The following ZBTB7C variants were observed in gnomAD, a reference collection of about 807,000 sequenced individuals.
ZBTB7C encodes zinc finger and BTB domain-containing protein 7C.
Under a neutral mutation model 25.7 loss-of-function variants are expected in ZBTB7C, and 8 were observed. That is an observed-to-expected ratio of 0.31 (90% confidence interval 0.18 to 0.56). ZBTB7C has a LOEUF of 0.56. ZBTB7C is among the 20% of genes least tolerant of loss of function. ZBTB7C has a pLI of 0.91. For missense variants in ZBTB7C, 824 were observed against 855.2 expected (o/e 0.96, Z 0.46); for synonymous variants, 394 against 369.0 (o/e 1.07, Z -0.78).
chr18:48,229,694 A>G (rs572264897), intron 2 of ZBTB7C, among the ~76,000 whole-genome samples: 1 of 152,288 alleles, frequency 6.6e-6, no homozygotes, highest in Non-Finnish European at 1.5e-5. Flanking sequence ...GGTTGGAACA[A>G]ATTGAGGAAT....
intron 2 of ZBTB7C, among the ~76,000 whole-genome samples, chr18:48,326,093 A>G (rs1216979396): frequency 8.6e-6 from 1 of 116,324 alleles, no homozygotes; most frequent in Non-Finnish European, 1.8e-5. Flanking sequence ...CTCTACCAAC[A>G]TCTTTTTTTT....
chr18:48,148,148 C>T (rs1270268422), intron 3 of ZBTB7C: 1 of 149,806 alleles, frequency 6.7e-6, no homozygotes, highest in African/African-American at 2.5e-5. Flanking sequence ...AGGCACCTGC[C>T]ACCACGGCTA....
chr18:48,284,947 G>A (rs1445061742), intron 2 of ZBTB7C, among the ~76,000 whole-genome samples: 10 of 152,320 alleles, frequency 6.6e-5, no homozygotes, highest in African/African-American at 1.7e-4. Flanking sequence ...GGACTAATGC[G>A]TAAAGGCAGA....
intron 2 of ZBTB7C, among the ~76,000 whole-genome samples, chr18:48,246,348 T>G (rs1028891355): frequency 2.0e-5 from 3 of 151,838 alleles, no homozygotes; most frequent in Non-Finnish European, 2.9e-5. Context: ...GAGAATGGCG[T>G]GGACCCGGGA....
intron 3 of ZBTB7C, among the ~76,000 whole-genome samples, chr18:48,111,181 C>T (rs2039225713): frequency 6.6e-6 from 1 of 152,082 alleles, no homozygotes; most frequent in Admixed American, 6.5e-5. Context: ...CCTCCACCTC[C>T]CCACCCCATC....
rs150577508 is a variant in ZBTB7C, at chr18:48,343,485, C to A, written c.-303-5087G>T. 2.7e-3 allele frequency among the ~76,000 whole-genome samples: 410 copies of A among 152,266 alleles called. 3 individuals carry two copies. The highest frequency in any genetic ancestry group is 9.4e-3 in the African/African-American group (389 of 41,546). ...CTTGCTCATTGTAGGAACTTAACAT[C>A]CTTCTATTCCTTTCTTCCTCCTATA... On this transcript the variant is annotated intron_variant, in intron 1 of 4. Transcript: ENST00000590800.
At chr18:48,338,852 T>C (rs185373932) in intron 1 of ZBTB7C, among the ~76,000 whole-genome samples, 2 of 151,342 alleles carry the variant, frequency 1.3e-5, no homozygotes, top group Admixed American at 1.3e-4. Context: ...ATGTGGAACA[T>C]TCCTTAACTC....
At position 48,078,934 on chromosome 18, in the gene ZBTB7C, G is replaced by GTTCA. The variant is rs61032572; in HGVS notation, c.-16-37815_-16-37812dup. ...CCACTGAATGCATATATCACAATTT[G>GTTCA]TTCATTCATTCATTCATTCATTCAT... On this transcript the variant is annotated intron_variant, in intron 3 of 4. Coordinates refer to ENST00000590800, the MANE Select transcript of ZBTB7C (RefSeq NM_001318841.2). 2.0e-3 allele frequency among the ~76,000 whole-genome samples: 309 copies of GTTCA among 152,138 alleles called. 1 individual carries two copies. The East Asian group carries it at 0.041, about 20-fold the overall frequency.
intron 3 of ZBTB7C, among the ~76,000 whole-genome samples, chr18:48,094,055 T>C (rs988261075): frequency 2.6e-5 from 4 of 151,976 alleles, no homozygotes; most frequent in African/African-American, 9.7e-5. Flanking sequence ...CGAGACTCCA[T>C]CTCAAAAAAA....
At chr18:48,198,822 A>G (rs1371458324) in intron 2 of ZBTB7C, among the ~76,000 whole-genome samples, 1 of 152,146 alleles carries the variant, frequency 6.6e-6, no homozygotes, top group Non-Finnish European at 1.5e-5. Flanking sequence ...GGATGTGGAC[A>G]TCTTTGGGAG....
At chr18:48,174,700 TAA>T (rs1441301784) in intron 3 of ZBTB7C, among the ~76,000 whole-genome samples, 4 of 152,266 alleles carry the variant, frequency 2.6e-5, no homozygotes, top group African/African-American at 9.6e-5. Flanking sequence ...TATGCAGCTG[TAA>T]AAAAGAGTGA....
At position 48,039,896 on chromosome 18, in the gene ZBTB7C, G is replaced by A. The variant is rs191336246; in HGVS notation, c.1208+4C>T. ...GCCCCACACCCGAGGGCTGCCATGC[G>A]CACCTGGTGAAGCGGACCTCGCAGA... On this transcript the variant is annotated splice_donor_region_variant and intron_variant, in intron 4 of 4. Transcript: ENST00000590800. 2.1e-4 allele frequency: 333 copies of A among 1,610,660 alleles called. No homozygotes were observed. The highest frequency in any genetic ancestry group is 5.5e-4 in the Admixed American group (33 of 60,014).
chr18:48,063,654 C>T (rs990112067), intron 3 of ZBTB7C, among the ~76,000 whole-genome samples: 18 of 152,172 alleles, frequency 1.2e-4, no homozygotes, highest in African/African-American at 3.4e-4. Flanking sequence ...TTGCCATGGC[C>T]AGCTTTCTCA....
chr18:48,141,656 G>A (rs913547706), intron 3 of ZBTB7C, among the ~76,000 whole-genome samples: 5 of 152,134 alleles, frequency 3.3e-5, no homozygotes, highest in East Asian at 3.9e-4. Flanking sequence ...TCTTTCTCTC[G>A]CTGGAGTGAA....
intron 2 of ZBTB7C, among the ~76,000 whole-genome samples, chr18:48,247,873 A>T (rs1014326627): frequency 1.3e-5 from 2 of 152,140 alleles, no homozygotes; most frequent in African/African-American, 4.8e-5. Context: ...AGAGGTGCTG[A>T]TATGTTTTGG....
intron 3 of ZBTB7C, among the ~76,000 whole-genome samples, chr18:48,042,540 G>C (rs1280955898): frequency 6.6e-6 from 1 of 152,206 alleles, no homozygotes; most frequent in Non-Finnish European, 1.5e-5. Flanking sequence ...GGAAGGCAGA[G>C]GCAGGGGGAG....
At chr18:48,400,173 G>GAACTGA (rs1367806799) in intron 1 of ZBTB7C, among the ~76,000 whole-genome samples, 1 of 152,184 alleles carries the variant, frequency 6.6e-6, no homozygotes. Context: ...AACACTGTCA[G>GAACTGA]TTCTCAGAGA....
chr18:48,237,721 T>A (rs998173416), intron 2 of ZBTB7C, among the ~76,000 whole-genome samples: 1 of 151,798 alleles, frequency 6.6e-6, no homozygotes, highest in African/African-American at 2.4e-5. Context: ...CTATGATAGA[T>A]AATTGCATCC....
At chr18:48,268,184 C>T (rs17744700) in intron 2 of ZBTB7C, among the ~76,000 whole-genome samples, 53,571 of 152,078 alleles carry the variant, frequency 0.35, 11,202 homozygotes, top group Non-Finnish European at 0.49. Context: ...CAAAGTCCAA[C>T]GGCACGCTTT....
Sources: gnomAD v4.1 joint callset for allele counts (sites outside exome capture counted in the v4.1 genomes callset) on GRCh38, gnomAD v4.1.1 for gene constraint, MANE v1.5 for transcripts, NCBI Gene and HGNC (gene_info 2026-07-23, HGNC 2026-07-21) for gene names.